The following ITGAL variants were observed in gnomAD, a reference collection of about 807,000 sequenced individuals.
ITGAL encodes the protein integrin subunit alpha L.
ITGAL carries 68 observed loss-of-function variants against 138.4 expected under a neutral mutation model. That is an observed-to-expected ratio of 0.49 (90% CI 0.40 to 0.60). The LOEUF is 0.60. ITGAL is among the 20% of genes least tolerant of loss of function. The pLI is 0.00. For missense variants in ITGAL, 1,256 were observed against 1,478.6 expected (o/e 0.85, Z 2.47); for synonymous variants, 561 against 584.3 (o/e 0.96, Z 0.57).
Position 30,494,110 on chromosome 16 carries a change from C to A in ITGAL, c.1214-102C>A. ...AAGGTCTTCAGCTGTTTCCATGCAT[C>A]TCTGCTACTAACCCAATTCCCTGGG... On this transcript the variant is annotated intron_variant, in intron 11 of 30. Coordinates refer to ENST00000356798, the MANE Select transcript of ITGAL (RefSeq NM_002209.3). The surrounding 1 kb of genome is among the most constrained non-coding windows in gnomAD (Gnocchi z 4.2). 1 of 993,688 alleles carries A rather than the reference C, an allele frequency of 1.0e-6. No individual in the cohort carries two copies. Among genetic ancestry groups the A allele is most frequent in the Non-Finnish European group, 1.5e-6 (1 of 670,818 alleles). 61.6% of individuals were successfully genotyped at this position (993,688 alleles called of 1,614,324 possible). A position where few individuals can be genotyped will look rare whatever the true frequency, so the allele number is the denominator to read the frequency against.
chr16:30,521,634 A>G lies in ITGAL; in HGVS notation c.3482A>G (p.Lys1161Arg). ...DPGCLKPLHE[K>R]DSESGGGKD ...GGCTGCCTGAAGCCCCTCCATGAGA[A>G]GGACTCTGAGAGTGGTGGTGGCAAG... Residue 1161 changes from lysine (K) to arginine (R), a missense_variant, in exon 31 of 31, where the codon AAG becomes AGG. By Grantham distance (26) the Lys-to-Arg change is conservative (BLOSUM62 2). Transcript: ENST00000356798. 6.2e-7 allele frequency: 1 copy of G among 1,614,122 alleles called. No individual in the cohort carries two copies. Among genetic ancestry groups the G allele is most frequent in the South Asian group, 1.1e-5 (1 of 91,078 alleles).
chr16:30,479,538 G>A, intron 6 of ITGAL, 77 bp downstream of exon 6: 1 of 1,416,484 alleles, frequency 7.1e-7, no homozygotes, highest in South Asian at 1.3e-5. Context: ...GAAAGGAAAT[G>A]TTAGTATGTG....
In ITGAL at chr16:30,489,270, G is replaced by A; in HGVS notation, c.1097G>A (p.Gly366Glu). 2 of 1,614,082 alleles carry A rather than the reference G, an allele frequency of 1.2e-6. No homozygotes were observed. Among genetic ancestry groups the A allele is most frequent in the Non-Finnish European group, 1.7e-6 (2 of 1,179,914 alleles). The change falls in exon 11 of 31, where the codon GGG (glycine) becomes GAG (glutamate). Residue 366 changes from glycine to glutamate, a missense_variant. Gly to Glu is a moderately conservative substitution (Grantham distance 98). Transcript: ENST00000356798. ...ADLSRGHAVV[G>E]AVGAKDWAGG... is the part of the protein sequence containing the mutation. Reference sequence around the variant, plus strand: ...CCTGGGCAGGGCCATGCAGTCGTGGGGGCAGTAGGAGCCAAGGACTGGGCT... The same window carrying A: ...CCTGGGCAGGGCCATGCAGTCGTGGAGGCAGTAGGAGCCAAGGACTGGGCT...
At position 30,475,500 on chromosome 16, in the gene ITGAL, C is replaced by T. The variant is rs770576817; in HGVS notation, c.260-13C>T. 1.7e-5 allele frequency: 28 copies of T among 1,613,160 alleles called. No homozygotes were observed. The highest frequency in any genetic ancestry group is 2.2e-5 in the Non-Finnish European group (26 of 1,179,232). On this transcript the variant is annotated splice_polypyrimidine_tract_variant and intron_variant, in intron 3 of 30. Transcript: ENST00000356798. Reference sequence around the variant, plus strand: ...GCCTGAGCTCCTCCAGACCAACCTTCTGGTGCCTACAGGTTCCAACTATAC... The same window carrying T: ...GCCTGAGCTCCTCCAGACCAACCTTTTGGTGCCTACAGGTTCCAACTATAC...
chr16:30,511,673 T>C (rs2051093354), intron 24 of ITGAL, among the ~76,000 whole-genome samples: 1 of 152,160 alleles, frequency 6.6e-6, no homozygotes, highest in Non-Finnish European at 1.5e-5. Context: ...AGAAAAGTTA[T>C]CACAATACCC....
Position 30,505,393 on chromosome 16 carries a change from C to G in ITGAL, c.2297C>G (p.Pro766Arg), listed in dbSNP as rs376750981. The change falls in exon 20 of 31, where the codon CCT becomes CGT. Residue 766 changes from proline (P) to arginine (R), a missense_variant. Pro to Arg is a moderately radical substitution (Grantham distance 103). Transcript: ENST00000356798. ...PSLHSETWEI[P>R]FEKNCGEDKK... ...CCTTTCTTCTTGGTGTTTCAGATCCCTTTTGAGAAGAACTGTGGGGAGGAC... is the reference window on the plus strand; with the variant it reads ...CCTTTCTTCTTGGTGTTTCAGATCCGTTTTGAGAAGAACTGTGGGGAGGAC... 1.9e-6 allele frequency: 3 copies of G among 1,613,912 alleles called. No homozygotes were observed. The highest frequency in any genetic ancestry group is 2.7e-5 in the African/African-American group (2 of 74,910).
At chr16:30,492,044 G>A (rs988813590) in intron 11 of ITGAL, among the ~76,000 whole-genome samples, 13 of 152,010 alleles carry the variant, frequency 8.6e-5, no homozygotes, top group Non-Finnish European at 7.3e-5. Context: ...ACTTTCAACT[G>A]CTCTGCACAG....
chr16:30,515,304 C>G (rs1257923668), intron 25 of ITGAL, among the ~76,000 whole-genome samples: 1 of 152,128 alleles, frequency 6.6e-6, no homozygotes, highest in Non-Finnish European at 1.5e-5. Flanking sequence ...TGTCTGTGTC[C>G]TTTTTCTGCT....
At chr16:30,491,006 A>G (rs2050717275) in intron 11 of ITGAL, among the ~76,000 whole-genome samples, 1 of 150,482 alleles carries the variant, frequency 6.6e-6, no homozygotes, top group Non-Finnish European at 1.5e-5. Flanking sequence ...ATGGTTGTGC[A>G]TGCCTGTGGT....
rs146114594 is a variant in ITGAL at position 30,495,216 on chromosome 16, G to A, written c.1503+366G>A. On this transcript the variant is annotated intron_variant, in intron 13 of 30. Coordinates refer to ENST00000356798, the MANE Select transcript of ITGAL (RefSeq NM_002209.3). Reference sequence around the variant, plus strand: ...ATTTTTGTATTTTTAGTAGACATGGGGTTTCACCATGTTGGTCAGGCTGGT... The same window carrying A: ...ATTTTTGTATTTTTAGTAGACATGGAGTTTCACCATGTTGGTCAGGCTGGT... 2.0e-3 allele frequency among the ~76,000 whole-genome samples: 300 copies of A among 152,190 alleles called. 1 individual carries two copies. Among genetic ancestry groups the A allele is most frequent in the African/African-American group, 6.9e-3 (287 of 41,542 alleles).
chr16:30,503,234 T>A (rs1448519386), intron 17 of ITGAL, among the ~76,000 whole-genome samples: 1 of 152,132 alleles, frequency 6.6e-6, no homozygotes, highest in East Asian at 1.9e-4. Context: ...CTCTATTTCA[T>A]TCAAACCTCT....
rs71149035 is a variant in ITGAL, at chr16:30,502,817, CT to C, written c.2146-1344del. On this transcript the variant is annotated intron_variant, in intron 17 of 30. Coordinates refer to ENST00000356798, the MANE Select transcript of ITGAL (RefSeq NM_002209.3). The stretch of plus-strand genomic sequence containing the variant: ...ATAAGAATTTGAAGTTTGTTTTAAA[CT>C]TTTTTTTTTTTTTGAGATGGAGTCT... 2.5e-3 allele frequency among the ~76,000 whole-genome samples: 166 copies of C among 67,322 alleles called. No individual in the cohort carries two copies. The East Asian group carries it at 0.053, about 21-fold the overall frequency. 44.2% of individuals were successfully genotyped at this position (67,322 alleles called of 152,430 possible). A position where few individuals can be genotyped will look rare whatever the true frequency, so the allele number is the denominator to read the frequency against.
In ITGAL at chr16:30,474,316, A is replaced by G. The variant is rs773203066; in HGVS notation, c.164+18A>G. The G allele has an allele frequency of 6.4e-7, 1 of 1,563,430 alleles. No homozygotes were observed. The highest frequency in any genetic ancestry group is 1.1e-5 in the South Asian group (1 of 87,318). ...GGAAACGGGTGAGCTGTGCCCCACA[A>G]GTCCTCCTCCTGATGCCCGCCCTGG... On this transcript the variant is annotated intron_variant, in intron 2 of 30. Coordinates refer to ENST00000356798, the MANE Select transcript of ITGAL (RefSeq NM_002209.3).
In ITGAL at chr16:30,488,521, A is replaced by G. The variant is rs558519907; in HGVS notation, c.1007-561A>G. 1.6e-4 allele frequency among the ~76,000 whole-genome samples: 25 copies of G among 152,000 alleles called. 1 individual carries two copies. Among genetic ancestry groups the G allele is most frequent in the African/African-American group, 6.0e-4 (25 of 41,456 alleles). On this transcript the variant is annotated intron_variant, in intron 9 of 30. Transcript: ENST00000356798. ...TGAGTTCGAGACCAGGCTGGCCAAC[A>G]TGGTGAAACCCCATCTCTACTAAAA...
chr16:30,501,905 C>T (rs769922182), intron 17 of ITGAL, among the ~76,000 whole-genome samples: 3 of 151,580 alleles, frequency 2.0e-5, no homozygotes, highest in Non-Finnish European at 4.4e-5. Flanking sequence ...TGGTGGAGCG[C>T]ACCTGTAGTC....
At chr16:30,484,442 A>G (rs1174176062) in intron 9 of ITGAL, among the ~76,000 whole-genome samples, 179 bp downstream of exon 9, 1 of 142,474 alleles carries the variant, frequency 7.0e-6, no homozygotes, top group Non-Finnish European at 1.5e-5. Context: ...AACCCCATCT[A>G]TACTAAAAAT....
intron 9 of ITGAL, among the ~76,000 whole-genome samples, chr16:30,485,239 T>A (rs1459902636): frequency 4.4e-5 from 3 of 67,698 alleles, no homozygotes; most frequent in Non-Finnish European, 5.9e-5. Context: ...TTTTCTTTTT[T>A]TTTTTGAGAC....
At chr16:30,503,543 AAGGGAGGG>A (rs368137456) in intron 17 of ITGAL, among the ~76,000 whole-genome samples, 3 of 139,498 alleles carry the variant, frequency 2.2e-5, no homozygotes, top group Non-Finnish European at 3.1e-5. Flanking sequence ...GGAAGGAAGG[AAGGGAGGG>A]AGGGAGGGAG....
intron 30 of ITGAL, among the ~76,000 whole-genome samples, chr16:30,520,209 G>A (rs1323303227): frequency 6.6e-6 from 1 of 152,184 alleles, no homozygotes; most frequent in East Asian, 1.9e-4. Context: ...CGAGGCAGGT[G>A]GATCACGTGA....
Sources: allele counts gnomAD v4.1 joint callset (sites outside exome capture counted in the v4.1 genomes callset), GRCh38; gene constraint gnomAD v4.1.1; non-coding constraint Gnocchi (gnomAD v3.1); transcripts MANE v1.5; gene names NCBI Gene and HGNC (gene_info 2026-07-23, HGNC 2026-07-21).